The following GALNT6 variants were observed in gnomAD, a reference collection of about 807,000 sequenced individuals.
GALNT6 encodes the protein polypeptide N-acetylgalactosaminyltransferase 6.
Under a neutral mutation model 65.9 loss-of-function variants are expected in GALNT6, and 51 were observed. The observed-to-expected ratio is 0.77, with a 90% confidence interval of 0.62 to 0.98. The LOEUF (loss-of-function observed/expected upper bound fraction) is 0.98. GALNT6 is among the 50% of genes least tolerant of loss of function. The pLI is 0.00. For synonymous variants in GALNT6, 323 were observed against 315.1 expected, an observed-to-expected ratio of 1.02 and a Z score of -0.26; for missense variants, 708 against 803.3, an observed-to-expected ratio of 0.88 and a Z score of 1.43.
At chr12:51,356,444 T>C (rs113409250) in intron 10 of GALNT6, among the ~76,000 whole-genome samples, 9 of 148,834 alleles carry the variant, frequency 6.0e-5, no homozygotes, top group African/African-American at 2.2e-4. Flanking sequence ...ACTGCAACCT[T>C]GAATTCGTTT....
intron 2 of GALNT6, among the ~76,000 whole-genome samples, chr12:51,389,930 G>C (rs1947980004): frequency 6.6e-6 from 1 of 152,128 alleles, no homozygotes; most frequent in Non-Finnish European, 1.5e-5. Context: ...CATTACTGAG[G>C]TGAGGTCATC....
chr12:51,389,913 T>C (rs565826488), intron 2 of GALNT6, among the ~76,000 whole-genome samples: 1 of 152,304 alleles, frequency 6.6e-6, no homozygotes, highest in Admixed American at 6.5e-5. Context: ...TGTAGGACTG[T>C]GGGCAGCATT....
intron 4 of GALNT6, among the ~76,000 whole-genome samples, chr12:51,368,751 T>G (rs1947193543): frequency 6.9e-6 from 1 of 144,158 alleles, no homozygotes; most frequent in Admixed American, 6.9e-5. Context: ...GTGAGGTGAT[T>G]ATGACATGGC....
chr12:51,379,672 G>C lies in GALNT6; in HGVS notation c.110C>G (p.Ala37Gly), dbSNP rs1378062905. ...GGACTTCAGCCACGGCTTCTCTGTG[G>C]CCTCCTCTCTGCTGCTCACATCCCT... ...LHRDVSSREE[A>G]TEKPWLKSLV... The change falls in exon 3 of 12, where the codon GCC becomes GGC. Residue 37 changes from alanine to glycine, a missense_variant. Coordinates refer to ENST00000356317, the MANE Select transcript of GALNT6 (RefSeq NM_007210.4). The C allele has an allele frequency of 1.9e-6, 3 of 1,614,138 alleles. No individual in the cohort carries two copies. In the Admixed American group the frequency reaches 5.0e-5, roughly 27 times the overall value.
chr12:51,360,879 A>G (rs779126564), intron 6 of GALNT6, 41 bp from the exon 7 acceptor site: 1 of 1,385,142 alleles, frequency 7.2e-7, no homozygotes, highest in South Asian at 1.2e-5. Flanking sequence ...CTTCTGGGAG[A>G]GGAGGAGCGG....
intron 10 of GALNT6, among the ~76,000 whole-genome samples, chr12:51,356,723 C>T (rs773795772): frequency 2.7e-4 from 41 of 151,998 alleles, no homozygotes; most frequent in Non-Finnish European, 4.6e-4. Context: ...AAGTAACATC[C>T]GTGAAATCAT....
chr12:51,356,358 T>C (rs994428675), intron 10 of GALNT6, among the ~76,000 whole-genome samples: 1 of 139,908 alleles, frequency 7.1e-6, no homozygotes, highest in Non-Finnish European at 1.5e-5. Flanking sequence ...TTTCTCTTTT[T>C]TTTTTTTTTT....
Position 51,364,370 on chromosome 12 carries a change from C to A in GALNT6, c.815-15G>T, listed in dbSNP as rs765114459. ...GAAGCACTCACCTGCAGGCCCCAAC[C>A]AGGAGGCAGCAGTCAGGGCCCTGCC... On this transcript the variant is annotated splice_polypyrimidine_tract_variant and intron_variant, in intron 5 of 11. Coordinates refer to ENST00000356317, the MANE Select transcript of GALNT6 (RefSeq NM_007210.4). 6 of 1,572,928 alleles carry A rather than the reference C, an allele frequency of 3.8e-6. No individual in the cohort carries two copies.
chr12:51,388,914 C>G (rs1379728085), intron 2 of GALNT6, among the ~76,000 whole-genome samples: 1 of 152,152 alleles, frequency 6.6e-6, no homozygotes, highest in East Asian at 1.9e-4. Flanking sequence ...GCCTTAGGAC[C>G]AAGTTGTTCA....
rs775517589 is a variant in GALNT6 at position 51,379,502 on chromosome 12, A to G, written c.280T>C (p.Tyr94His). The change falls in exon 3 of 12, where the codon TAT (tyrosine) becomes CAT (histidine). Residue 94 changes from tyrosine (Y) to histidine (H), a missense_variant. Physicochemically the swap from Tyr to His is moderately conservative, Grantham distance 83. Coordinates refer to ENST00000356317, the MANE Select transcript of GALNT6 (RefSeq NM_007210.4). ...SINQSCLPGF[Y>H]TPAELKPFWE... is the part of the protein sequence containing the mutation. ...AAGGGCTTCAGTTCAGCTGGGGTAT[A>G]GAACCCAGGGAGGCAGGACTGGTTT... The G allele has an allele frequency of 1.2e-6, 2 of 1,614,140 alleles. No homozygotes were observed. Among genetic ancestry groups the G allele is most frequent in the Non-Finnish European group, 8.5e-7 (1 of 1,179,998 alleles).
chr12:51,380,520 C>T (rs2137757339), intron 2 of GALNT6, among the ~76,000 whole-genome samples: 1 of 152,312 alleles, frequency 6.6e-6, no homozygotes, highest in East Asian at 1.9e-4. Context: ...AATGTAAAAA[C>T]ATGCTAAAAT....
At chr12:51,380,940 C>A (rs1341440467) in intron 2 of GALNT6, among the ~76,000 whole-genome samples, 1 of 152,128 alleles carries the variant, frequency 6.6e-6, no homozygotes, top group Non-Finnish European at 1.5e-5. Context: ...ATTCTTTAGA[C>A]CCTATACGTA....
At chr12:51,377,076 C>G in intron 4 of GALNT6, 119 bp downstream of exon 4, 1 of 804,480 alleles carries the variant, frequency 1.2e-6, no homozygotes. Flanking sequence ...TTAAGATGAG[C>G]TGTGATGTCA....
chr12:51,357,011 G>A (rs1235171301), intron 10 of GALNT6, among the ~76,000 whole-genome samples: 2 of 152,142 alleles, frequency 1.3e-5, no homozygotes, highest in African/African-American at 4.8e-5. Flanking sequence ...CTGGGCAGAG[G>A]ATGCATTGAA....
chr12:51,357,304 G>T, intron 10 of GALNT6, 45 bp downstream of exon 10: 1 of 1,228,798 alleles, frequency 8.1e-7, no homozygotes, highest in Non-Finnish European at 1.2e-6. Flanking sequence ...GAGAAAAGGA[G>T]CCGGTGAGGA....
In GALNT6 at chr12:51,378,883, C is replaced by CT. The variant is rs1037287776; in HGVS notation, c.491+407_491+408insA. On this transcript the variant is annotated intron_variant, in intron 3 of 11. Coordinates refer to ENST00000356317, the MANE Select transcript of GALNT6 (RefSeq NM_007210.4). ...CAGGGTTGCTGTTAAGAAATGCCCACCCCCCCCCCAAACAGCTCAGCATTA... is the reference window on the plus strand; with the variant it reads ...CAGGGTTGCTGTTAAGAAATGCCCACTCCCCCCCCCAAACAGCTCAGCATTA... Among the ~76,000 whole-genome samples, 205 of 113,004 alleles carry CT rather than the reference C, an allele frequency of 1.8e-3. 6 individuals are homozygous for CT. Among genetic ancestry groups the CT allele is most frequent in the African/African-American group, 7.4e-3 (197 of 26,528 alleles). The allele number at this position is 113,004 out of a possible 152,430, so 74.1% of individuals were successfully genotyped here.
chr12:51,382,673 A>C (rs1430778924), intron 2 of GALNT6, among the ~76,000 whole-genome samples: 3 of 152,216 alleles, frequency 2.0e-5, no homozygotes, highest in Admixed American at 2.0e-4. Context: ...GGGAGTAATA[A>C]AGCGTTAAGC....
intron 5 of GALNT6, 22 bp from the exon 6 acceptor site, chr12:51,364,377 C>T (rs964442052): frequency 2.6e-5 from 40 of 1,558,912 alleles, no homozygotes; most frequent in Non-Finnish European, 3.4e-5. Context: ...AACCAGGAGG[C>T]AGCAGTCAGG....
intron 2 of GALNT6, among the ~76,000 whole-genome samples, chr12:51,384,112 A>C (rs903780615): frequency 1.3e-5 from 2 of 151,990 alleles, no homozygotes; most frequent in Admixed American, 1.3e-4. Flanking sequence ...CTTCTTCCCA[A>C]GTCTTTTTCC....
Sources: gnomAD v4.1 joint callset for allele counts (sites outside exome capture counted in the v4.1 genomes callset) on GRCh38, gnomAD v4.1.1 for gene constraint, MANE v1.5 for transcripts, NCBI Gene and HGNC (gene_info 2026-07-23, HGNC 2026-07-21) for gene names.